SVOPL: variants seen among roughly 807,000 people sequenced by gnomAD.
The protein encoded by SVOPL is putative transporter SVOPL.
SVOPL carries 60 observed loss-of-function variants against 61.0 expected under a neutral mutation model. That is an observed-to-expected ratio of 0.98 (90% CI 0.80 to 1.22). SVOPL has a LOEUF of 1.22. SVOPL is among the 50% of genes most tolerant of loss of function. The pLI is 0.00. For synonymous variants in SVOPL, 279 were observed against 250.0 expected (o/e 1.12, Z -1.09); for missense variants, 662 against 643.9 (o/e 1.03, Z -0.30).
intron 14 of SVOPL, among the ~76,000 whole-genome samples, chr7:138,611,711 T>TATCTTTCATCCTTATCCAAGCCA (rs1563087563): frequency 8.0e-5 from 6 of 74,610 alleles, no homozygotes; most frequent in African/African-American, 1.1e-4. Context: ...GATAAGACTT[T>TATCTTTCATCCTTATCCAAGCCA]GGTTAAAAGA....
Position 138,672,250 on chromosome 7 carries a change from C to T in SVOPL, c.175-133G>A, listed in dbSNP as rs563196478. 3.9e-5 allele frequency: 29 copies of T among 741,568 alleles called. No individual in the cohort carries two copies. In the East Asian group the frequency reaches 7.9e-4, roughly 20 times the overall value. The allele number at this position is 741,568 out of a possible 1,614,324, so 45.9% of individuals were successfully genotyped here. A position where few individuals can be genotyped will look rare whatever the true frequency, so the allele number is the denominator to read the frequency against. On this transcript the variant is annotated intron_variant, in intron 3 of 15. Transcript: ENST00000674285. ...CCATTCAGGGAGGATCTATTGTATA[C>T]CCACACTGCACTGCTAGTTGGATAA... is the stretch of plus-strand genomic sequence containing the variant.
intron 9 of SVOPL, among the ~76,000 whole-genome samples, chr7:138,637,382 C>T (rs180898225): frequency 6.5e-4 from 98 of 150,810 alleles, no homozygotes; most frequent in African/African-American, 2.3e-3. Context: ...GAGCCAAGAT[C>T]ACTCCACTGC....
At chr7:138,636,223 C>T (rs751941427) in intron 9 of SVOPL, among the ~76,000 whole-genome samples, 8 of 151,572 alleles carry the variant, frequency 5.3e-5, no homozygotes, top group Non-Finnish European at 7.4e-5. Context: ...CCACTGGGCC[C>T]GGCTGAAAAA....
rs148373014 is a variant in SVOPL at position 138,626,621 on chromosome 7, G to A, written c.1182-571C>T. ...TTGTCCAAGCTGATCTTGAACTCCT[G>A]GGCTCAAATGATCCACCTGCCTCAG... On this transcript the variant is annotated intron_variant, in intron 12 of 15. Coordinates refer to ENST00000674285, the MANE Select transcript of SVOPL (RefSeq NM_001139456.2). Among the ~76,000 whole-genome samples, 928 of 152,162 alleles carry A rather than the reference G, an allele frequency of 6.1e-3. 37 individuals carry two copies. Among genetic ancestry groups the A allele is most frequent in the Admixed American group, 0.043 (662 of 15,284 alleles).
intron 3 of SVOPL, among the ~76,000 whole-genome samples, chr7:138,674,504 G>T (rs1339079452): frequency 2.0e-5 from 3 of 151,856 alleles, no homozygotes; most frequent in Admixed American, 1.3e-4. Flanking sequence ...GAGACAGGAG[G>T]GGGTGGCCTG....
chr7:138,700,906 A>T (rs1803181941), intron 1 of SVOPL, among the ~76,000 whole-genome samples: 1 of 152,252 alleles, frequency 6.6e-6, no homozygotes. Context: ...TTCAAGCTTC[A>T]TTAAAACAAA....
intron 9 of SVOPL, among the ~76,000 whole-genome samples, chr7:138,641,425 C>T (rs1033838593): frequency 2.0e-5 from 3 of 151,912 alleles, no homozygotes; most frequent in Admixed American, 6.6e-5. Flanking sequence ...AATCCCAGCA[C>T]TTTGGGAGGC....
chr7:138,619,561 T>TTAAA, intron 14 of SVOPL, among the ~76,000 whole-genome samples: 1 of 60,324 alleles, frequency 1.7e-5, no homozygotes, highest in East Asian at 7.9e-4. Flanking sequence ...TCTCAGATGT[T>TTAAA]AAAAAAAAAA....
chr7:138,668,399 G>A (rs1029152262), intron 4 of SVOPL, among the ~76,000 whole-genome samples: 5 of 152,118 alleles, frequency 3.3e-5, no homozygotes, highest in Non-Finnish European at 7.4e-5. Flanking sequence ...TCTAGTCAGC[G>A]GGCAAGGTGA....
intron 14 of SVOPL, among the ~76,000 whole-genome samples, chr7:138,601,251 C>CAAAAAAAAAAAAAA (rs59761826): frequency 2.0e-5 from 2 of 99,120 alleles, no homozygotes; most frequent in African/African-American, 3.6e-5. Flanking sequence ...GATTCCATCT[C>CAAAAAAAAAAAAAA]AAAAAAAAAA....
chr7:138,596,955 GAA>G, intron 14 of SVOPL: 1 of 1,120,856 alleles, frequency 8.9e-7, no homozygotes, highest in South Asian at 2.2e-5. Flanking sequence ...TGAAACAGGT[GAA>G]AGTTTTTTTT....
chr7:138,606,823 G>A (rs752106130), intron 14 of SVOPL, among the ~76,000 whole-genome samples: 5 of 152,152 alleles, frequency 3.3e-5, no homozygotes, highest in Admixed American at 6.5e-5. Context: ...GCGTGGTGGC[G>A]CATGCCTGTT....
chr7:138,669,473 G>C (rs1226811089), intron 4 of SVOPL, among the ~76,000 whole-genome samples: 1 of 152,134 alleles, frequency 6.6e-6, no homozygotes, highest in Non-Finnish European at 1.5e-5. Context: ...GCTCCCTAGG[G>C]ATCATGTCAA....
In SVOPL at chr7:138,700,063, G is replaced by A. The variant is rs182389902; in HGVS notation, c.-35+1115C>T. 1.4e-4 allele frequency among the ~76,000 whole-genome samples: 21 copies of A among 152,228 alleles called. No homozygotes were observed. The East Asian group carries it at 2.3e-3, about 17-fold the overall frequency. ...GGCAGGAGATTATCAGGATTGTAGCGTTCACATCTGTACCTTGGAAAGGGG... is the reference window on the plus strand; with the variant it reads ...GGCAGGAGATTATCAGGATTGTAGCATTCACATCTGTACCTTGGAAAGGGG... On this transcript the variant is annotated intron_variant, in intron 1 of 15. Transcript: ENST00000674285.
chr7:138,638,169 G>A (rs367919804), intron 9 of SVOPL, among the ~76,000 whole-genome samples: 1 of 149,996 alleles, frequency 6.7e-6, no homozygotes, highest in African/African-American at 2.5e-5. Context: ...GCTACTTGAG[G>A]GGCTAAAGCA....
intron 14 of SVOPL, among the ~76,000 whole-genome samples, chr7:138,604,794 A>G (rs1798682300): frequency 6.6e-6 from 1 of 152,078 alleles, no homozygotes; most frequent in South Asian, 2.1e-4. Context: ...TGGAAATAAA[A>G]ACAAAAGCTT....
chr7:138,700,604 G>C lies in SVOPL; in HGVS notation c.-35+574C>G, dbSNP rs549983400. Among the ~76,000 whole-genome samples the C allele has an allele frequency of 5.9e-5, 9 of 152,164 alleles. No individual in the cohort carries two copies. The South Asian group carries it at 1.9e-3, about 32-fold the overall frequency. ...TCCACCCACCTCAGCCTCCCAAAGT[G>C]CTGGGATTACAGGCGTGAGCCACCG... On this transcript the variant is annotated intron_variant, in intron 1 of 15. Coordinates refer to ENST00000674285, the MANE Select transcript of SVOPL (RefSeq NM_001139456.2).
At chr7:138,699,417 G>A (rs1166877048) in intron 1 of SVOPL, among the ~76,000 whole-genome samples, 1 of 151,694 alleles carries the variant, frequency 6.6e-6, no homozygotes. Context: ...AGAACACACT[G>A]GGATCAAATA....
chr7:138,690,368 C>T (rs1454057622), intron 1 of SVOPL, among the ~76,000 whole-genome samples: 1 of 152,048 alleles, frequency 6.6e-6, no homozygotes, highest in Non-Finnish European at 1.5e-5. Flanking sequence ...TCACTTGCAT[C>T]TGGGAGCCAA....
Sources: allele counts gnomAD v4.1 joint callset (sites outside exome capture counted in the v4.1 genomes callset), GRCh38; gene constraint gnomAD v4.1.1; transcripts MANE v1.5; gene names NCBI Gene and HGNC (gene_info 2026-07-23, HGNC 2026-07-21).